ASXL1: variants seen among roughly 807,000 people sequenced by gnomAD.
ASXL1 encodes polycomb group protein ASXL1.
Under a neutral mutation model 89.1 loss-of-function variants are expected in ASXL1, and 65 were observed. The ratio of observed to expected loss-of-function variants is 0.73; its 90% CI spans 0.60 to 0.90. The LOEUF is 0.90. Ranked by LOEUF, ASXL1 falls within the 40% of genes least tolerant of loss-of-function variation. The pLI is 0.00. For missense variants in ASXL1, 1,786 were observed against 1,942.9 expected, an observed-to-expected ratio of 0.92 and a Z score of 1.52; for synonymous variants, 739 against 746.9, an observed-to-expected ratio of 0.99 and a Z score of 0.17.
intron 4 of ASXL1, among the ~76,000 whole-genome samples, chr20:32,394,201 A>G (rs1432101364): frequency 1.3e-5 from 2 of 152,134 alleles, no homozygotes; most frequent in Admixed American, 1.3e-4. Flanking sequence ...ACAGGGTTTC[A>G]CTATATTGGC....
At chr20:32,396,926 A>C (rs80105124) in intron 4 of ASXL1, among the ~76,000 whole-genome samples, 2 of 151,962 alleles carry the variant, frequency 1.3e-5, no homozygotes, top group Admixed American at 1.3e-4. Flanking sequence ...ACATTAGAAG[A>C]AGAATTGTCT....
At chr20:32,413,740 CT>C (rs1196856601) in intron 4 of ASXL1, among the ~76,000 whole-genome samples, 1 of 152,218 alleles carries the variant, frequency 6.6e-6, no homozygotes, top group East Asian at 1.9e-4. Flanking sequence ...GGCTGTTTTC[CT>C]CGGACTTTCC....
chr20:32,369,888 T>A (rs774254206), intron 4 of ASXL1, among the ~76,000 whole-genome samples: 6 of 151,628 alleles, frequency 4.0e-5, no homozygotes, highest in African/African-American at 1.5e-4. Flanking sequence ...GCCCAGGTAA[T>A]TTTTGTATTT....
rs1437642714 is a variant in ASXL1 at position 32,436,534 on chromosome 20, C to T, written c.3822C>T (p.Phe1274=). The change falls in exon 13 of 13, where the codon TTC becomes TTT. Residue 1274 remains phenylalanine (F), a synonymous_variant. Transcript: ENST00000375687. ...TTACTACCTCGAGAACACCTCGTTTCTCATCTCCAAATGTGATCTCCTTTG... is the reference window on the plus strand; with the variant it reads ...TTACTACCTCGAGAACACCTCGTTTTTCATCTCCAAATGTGATCTCCTTTG... The part of the protein sequence containing the change: ...GDLTTSRTPR[F]SSPNVISFGP... The T allele has an allele frequency of 1.2e-6, 2 of 1,614,240 alleles. No individual in the cohort carries two copies. The highest frequency in any genetic ancestry group is 2.2e-5 in the East Asian group (1 of 44,884).
At chr20:32,392,867 T>C (rs1193024267) in intron 4 of ASXL1, among the ~76,000 whole-genome samples, 5 of 152,184 alleles carry the variant, frequency 3.3e-5, no homozygotes, top group Non-Finnish European at 7.4e-5. Flanking sequence ...TTTAAATTGA[T>C]TGAGACTTGT....
In ASXL1 at chr20:32,437,579, G is replaced by C; in HGVS notation, c.*241G>C. 1.8e-6 allele frequency: 1 copy of C among 566,332 alleles called. No homozygotes were observed. Among genetic ancestry groups the C allele is most frequent in the Non-Finnish European group, 3.1e-6 (1 of 324,928 alleles). The allele number at this position is 566,332 out of a possible 1,614,324, so 35.1% of individuals were successfully genotyped here. A position where few individuals can be genotyped will look rare whatever the true frequency, so the allele number is the denominator to read the frequency against. ...AAGGCCAGCCAGCCTGAGCTCTCCT[G>C]CAAGACAGAGCCTGATGTGGCACGG... On this transcript the variant is annotated 3_prime_UTR_variant, in exon 13 of 13. Coordinates refer to ENST00000375687, the MANE Select transcript of ASXL1 (RefSeq NM_015338.6).
At chr20:32,407,387 T>A (rs1187775283) in intron 4 of ASXL1, among the ~76,000 whole-genome samples, 1 of 152,158 alleles carries the variant, frequency 6.6e-6, no homozygotes, top group South Asian at 2.1e-4. Flanking sequence ...CACACACATA[T>A]ACACACTCTG....
rs375215583 is a variant in ASXL1 at position 32,433,447 on chromosome 20, C to T, written c.1249C>T (p.Arg417Ter). ...TAAGAAACGCTCTCGGCCAGATCTC[C>T]GAACCAGAGCCAGAAGGAATCTGTA... ...HFKKRSRPDL[R>*]TRARRNLYKK... Residue 417 changes from arginine to a stop codon, truncating the protein, a stop_gained, in exon 12 of 13, where the codon CGA becomes TGA. Coordinates refer to ENST00000375687, the MANE Select transcript of ASXL1 (RefSeq NM_015338.6). LOFTEE classifies it high-confidence loss of function. The T allele has an allele frequency of 3.0e-5, 48 of 1,613,930 alleles. No individual in the cohort carries two copies. Among genetic ancestry groups the T allele is most frequent in the Middle Eastern group, 1.6e-4 (1 of 6,084 alleles).
intron 1 of ASXL1, chr20:32,359,732 C>T (rs932249038): frequency 2.8e-6 from 2 of 717,958 alleles, no homozygotes; most frequent in Non-Finnish European, 5.2e-6. Context: ...TGTTTGAAGC[C>T]GTCTCGTTCA....
intron 4 of ASXL1, among the ~76,000 whole-genome samples, chr20:32,374,013 T>C (rs924284952): frequency 6.6e-6 from 1 of 152,120 alleles, no homozygotes; most frequent in African/African-American, 2.4e-5. Flanking sequence ...TATATATGTG[T>C]GTATTTATTT....
chr20:32,435,769 AGAAGCTG>A lies in ASXL1; in HGVS notation c.3058_3064del (p.Glu1020GlnfsTer2). 1 of 1,614,204 alleles carries A rather than the reference AGAAGCTG, an allele frequency of 6.2e-7. No homozygotes were observed. The highest frequency in any genetic ancestry group is 8.5e-7 in the Non-Finnish European group (1 of 1,180,042). Reference sequence around the variant, plus strand: ...AGGACAGCAGTGAGGCTGACACTAGAGAAGCTGCAGTGACAAAGGGATCTTCGGTGGA... The same window carrying A: ...AGGACAGCAGTGAGGCTGACACTAGACAGTGACAAAGGGATCTTCGGTGGA... On this transcript the variant is annotated frameshift_variant, in exon 13 of 13. Coordinates refer to ENST00000375687, the MANE Select transcript of ASXL1 (RefSeq NM_015338.6). LOFTEE classifies it low-confidence loss of function (END_TRUNC).
rs1307231164 is a variant in ASXL1 at position 32,433,714 on chromosome 20, A to G, written c.1516A>G (p.Arg506Gly). ...NLARASASPDRIPSLPQETVD... is the reference protein window; with the variant it reads ...NLARASASPDGIPSLPQETVD... Reference sequence around the variant, plus strand: ...GGCACGTGCCTCTGCATCTCCAGACAGAATTCCTAGCCTGCCTCAGGAAAC... The same window carrying G: ...GGCACGTGCCTCTGCATCTCCAGACGGAATTCCTAGCCTGCCTCAGGAAAC... The change falls in exon 12 of 13, where the codon AGA becomes GGA. Residue 506 changes from arginine (R) to glycine (G), a missense_variant. By Grantham distance (125) the Arg-to-Gly change is moderately radical. Transcript: ENST00000375687. The G allele has an allele frequency of 6.2e-7, 1 of 1,612,974 alleles. No individual in the cohort carries two copies.
rs1213607865 is a variant in ASXL1, at chr20:32,393,192, A to C, written c.252+24069A>C. 3.3e-5 allele frequency among the ~76,000 whole-genome samples: 5 copies of C among 152,172 alleles called. No homozygotes were observed. In the East Asian group the frequency reaches 9.6e-4, roughly 29 times the overall value. On this transcript the variant is annotated intron_variant, in intron 4 of 12. Transcript: ENST00000375687. The stretch of plus-strand genomic sequence containing the variant: ...TTTGTTTTTGGTTTGAAATTTACTT[A>C]TAAGGTACATAAGCATTTATGATTG...
At chr20:32,377,972 C>CTGTGGGTGTGTGTGTG (rs2048414732) in intron 4 of ASXL1, among the ~76,000 whole-genome samples, 1 of 115,340 alleles carries the variant, frequency 8.7e-6, no homozygotes. Context: ...AGTTTTGACT[C>CTGTGGGTGTGTGTGTG]TGTGTGTGTG....
chr20:32,359,822 C>T (rs1211553600), intron 1 of ASXL1: 2 of 717,834 alleles, frequency 2.8e-6, no homozygotes, highest in East Asian at 2.7e-5. Flanking sequence ...ATTACTCCCA[C>T]AAAGCTCAGA....
chr20:32,428,279 G>GC lies in ASXL1; in HGVS notation c.373+33dup, dbSNP rs1218571200. ...GACCCTTTAATGGATGGGTGAGGGAGCCACAGCAGGCACTAGGGACTAACC... is the reference window on the plus strand; with the variant it reads ...GACCCTTTAATGGATGGGTGAGGGAGCCCACAGCAGGCACTAGGGACTAACC... On this transcript the variant is annotated intron_variant, in intron 5 of 12. Coordinates refer to ENST00000375687, the MANE Select transcript of ASXL1 (RefSeq NM_015338.6). The GC allele has an allele frequency of 1.9e-6, 3 of 1,614,176 alleles. No individual in the cohort carries two copies. In the African/African-American group the frequency reaches 4.0e-5, roughly 22 times the overall value.
chr20:32,385,114 A>G (rs2048556646), intron 4 of ASXL1, among the ~76,000 whole-genome samples: 1 of 152,212 alleles, frequency 6.6e-6, no homozygotes, highest in African/African-American at 2.4e-5. Flanking sequence ...AATCTGGAAG[A>G]AAAAATGGAA....
chr20:32,397,072 T>C (rs1291421897), intron 4 of ASXL1, among the ~76,000 whole-genome samples: 2 of 147,498 alleles, frequency 1.4e-5, no homozygotes, highest in African/African-American at 5.0e-5. Flanking sequence ...CGAGATGAAG[T>C]CATGCTCTGT....
At chr20:32,401,385 G>A (rs1361971669) in intron 4 of ASXL1, among the ~76,000 whole-genome samples, 1 of 152,096 alleles carries the variant, frequency 6.6e-6, no homozygotes, top group Non-Finnish European at 1.5e-5. Flanking sequence ...GCAGCTACCA[G>A]TTGTCTGAAT....
Sources: gnomAD v4.1 joint callset for allele counts (sites outside exome capture counted in the v4.1 genomes callset) on GRCh38, gnomAD v4.1.1 for gene constraint, MANE v1.5 for transcripts, NCBI Gene and HGNC (gene_info 2026-07-23, HGNC 2026-07-21) for gene names.